The following NKAIN3 variants were observed in gnomAD, a reference collection of about 807,000 sequenced individuals.
NKAIN3 encodes the protein sodium/potassium transporting ATPase interacting 3.
NKAIN3 carries 25 observed loss-of-function variants against 30.2 expected under a neutral mutation model. The ratio of observed to expected loss-of-function variants is 0.83; its 90% CI spans 0.60 to 1.16. The LOEUF is 1.16. NKAIN3 is among the 50% of genes most tolerant of loss of function. NKAIN3 has a pLI of 0.00. For missense variants in NKAIN3, 225 were observed against 254.1 expected (o/e 0.89, Z 0.78); for synonymous variants, 91 against 89.6 (o/e 1.02, Z -0.09).
intron 3 of NKAIN3, among the ~76,000 whole-genome samples, chr8:62,692,691 T>G (rs1286759406): frequency 6.6e-6 from 1 of 152,244 alleles, no homozygotes; most frequent in Non-Finnish European, 1.5e-5. Flanking sequence ...TATTCTTCAC[T>G]GTTTTAGTTC....
At chr8:62,594,769 T>C (rs1810770020) in intron 3 of NKAIN3, among the ~76,000 whole-genome samples, 2 of 151,918 alleles carry the variant, frequency 1.3e-5, no homozygotes, top group South Asian at 4.1e-4. Flanking sequence ...TTTGTTTTCT[T>C]TCTTTCTTTT....
intron 4 of NKAIN3, among the ~76,000 whole-genome samples, chr8:62,781,546 C>T (rs1180415423): frequency 3.3e-5 from 5 of 151,882 alleles, no homozygotes; most frequent in African/African-American, 1.2e-4. Context: ...GCTATACTAA[C>T]CAAAGCAGCA....
chr8:62,797,894 A>G (rs1477120701), intron 4 of NKAIN3, among the ~76,000 whole-genome samples: 2 of 152,162 alleles, frequency 1.3e-5, no homozygotes, highest in Non-Finnish European at 2.9e-5. Flanking sequence ...ACACAAGGAG[A>G]ATGCCATGTG....
intron 1 of NKAIN3, among the ~76,000 whole-genome samples, chr8:62,288,448 G>A (rs1231921940): frequency 3.3e-5 from 5 of 152,044 alleles, no homozygotes; most frequent in African/African-American, 2.4e-5. Context: ...GTGTCCAAAT[G>A]TTCTCATTGT....
At chr8:62,360,652 C>G (rs764727968) in intron 1 of NKAIN3, among the ~76,000 whole-genome samples, 1 of 152,022 alleles carries the variant, frequency 6.6e-6, no homozygotes, top group Admixed American at 6.5e-5. Flanking sequence ...GATTCAGAGT[C>G]GAGTTCAGGT....
chr8:62,896,844 T>A (rs4237056), intron 4 of NKAIN3, among the ~76,000 whole-genome samples: 118,132 of 152,140 alleles, frequency 0.78, 46,778 homozygotes, highest in East Asian at 0.98. Context: ...GTAGGCTATT[T>A]ACCTTTAAGA....
At chr8:62,645,776 A>T (rs897810307) in intron 3 of NKAIN3, among the ~76,000 whole-genome samples, 1 of 152,106 alleles carries the variant, frequency 6.6e-6, no homozygotes, top group African/African-American at 2.4e-5. Context: ...TACTGCTCTT[A>T]TCAGTCCAAT....
chr8:62,821,464 C>A (rs558703254), intron 4 of NKAIN3, among the ~76,000 whole-genome samples: 2 of 152,182 alleles, frequency 1.3e-5, no homozygotes, highest in African/African-American at 2.4e-5. Flanking sequence ...GGAGAAAGAG[C>A]AGTTGAATAC....
chr8:62,906,164 C>T (rs1302933727), intron 4 of NKAIN3, among the ~76,000 whole-genome samples: 1 of 152,184 alleles, frequency 6.6e-6, no homozygotes, highest in Non-Finnish European at 1.5e-5. Context: ...TTGCCCTCTG[C>T]ACTGTGAATA....
intron 1 of NKAIN3, among the ~76,000 whole-genome samples, chr8:62,406,141 G>A (rs141987312): frequency 1.3e-3 from 204 of 152,268 alleles, no homozygotes; most frequent in African/African-American, 4.6e-3. Flanking sequence ...CTTATACTTA[G>A]TGTCTATCCT....
At chr8:62,509,134 G>T (rs2035511958) in intron 1 of NKAIN3, among the ~76,000 whole-genome samples, 1 of 152,132 alleles carries the variant, frequency 6.6e-6, no homozygotes, top group Admixed American at 6.6e-5. Flanking sequence ...AAATCAGCAT[G>T]AACTCTACAT....
At chr8:62,861,315 A>G (rs1051135303) in intron 4 of NKAIN3, among the ~76,000 whole-genome samples, 2 of 152,234 alleles carry the variant, frequency 1.3e-5, no homozygotes, top group South Asian at 4.1e-4. Flanking sequence ...CATGAACACA[A>G]TAAACAAAGA....
chr8:62,788,314 T>C (rs970823297), intron 4 of NKAIN3, among the ~76,000 whole-genome samples: 6 of 152,236 alleles, frequency 3.9e-5, no homozygotes, highest in Non-Finnish European at 7.3e-5. Flanking sequence ...TTTCATGTGT[T>C]TTTTGGCTGC....
chr8:62,637,926 C>G (rs181302873), intron 3 of NKAIN3, among the ~76,000 whole-genome samples: 11 of 152,230 alleles, frequency 7.2e-5, no homozygotes, highest in African/African-American at 2.6e-4. Context: ...TCTGGGAAGG[C>G]AGAGAAATGT....
intron 1 of NKAIN3, among the ~76,000 whole-genome samples, chr8:62,255,585 T>C (rs1320232892): frequency 6.6e-6 from 1 of 152,226 alleles, no homozygotes; most frequent in Non-Finnish European, 1.5e-5. Context: ...GTCTGGAGTA[T>C]GTTTTAAGGT....
At chr8:62,710,028 T>A (rs529647881) in intron 3 of NKAIN3, among the ~76,000 whole-genome samples, 1 of 152,258 alleles carries the variant, frequency 6.6e-6, no homozygotes, top group South Asian at 2.1e-4. Context: ...ATTTGCATTG[T>A]TTTGAAGGTT....
chr8:62,881,828 T>C (rs2130814243), intron 4 of NKAIN3, among the ~76,000 whole-genome samples: 1 of 152,340 alleles, frequency 6.6e-6, no homozygotes, highest in South Asian at 2.1e-4. Flanking sequence ...TTCCAAAGCA[T>C]CTGGACCATT....
chr8:62,902,470 T>A (rs938080195), intron 4 of NKAIN3, among the ~76,000 whole-genome samples: 1 of 152,172 alleles, frequency 6.6e-6, no homozygotes, highest in African/African-American at 2.4e-5. Context: ...TGCATTTAAA[T>A]GATCAGGCAT....
intron 4 of NKAIN3, among the ~76,000 whole-genome samples, chr8:62,838,927 TG>T (rs1314544089): frequency 1.3e-5 from 2 of 152,062 alleles, no homozygotes; most frequent in Non-Finnish European, 2.9e-5. Flanking sequence ...GGGTAGAAAT[TG>T]TAATACACAC....
Sources: allele counts gnomAD v4.1 joint callset (sites outside exome capture counted in the v4.1 genomes callset), GRCh38; gene constraint gnomAD v4.1.1; transcripts MANE v1.5; gene names NCBI Gene and HGNC (gene_info 2026-07-23, HGNC 2026-07-21).